Variants in DGKD observed in about 807,000 individuals in gnomAD.
DGKD encodes DAG kinase delta.
Under a neutral mutation model 154.4 loss-of-function variants are expected in DGKD, and 68 were observed. That is an observed-to-expected ratio of 0.44 (90% CI 0.36 to 0.54). DGKD has a LOEUF of 0.54. Ranked by LOEUF, DGKD falls within the 20% of genes least tolerant of loss-of-function variation. The pLI is 0.00. For missense variants in DGKD, 1,343 were observed against 1,593.6 expected, an observed-to-expected ratio of 0.84 and a Z score of 2.68; for synonymous variants, 693 against 638.0, an observed-to-expected ratio of 1.09 and a Z score of -1.30.
chr2:233,439,051 T>C (rs2062806712), intron 9 of DGKD, among the ~76,000 whole-genome samples: 1 of 152,226 alleles, frequency 6.6e-6, no homozygotes, highest in African/African-American at 2.4e-5. Flanking sequence ...GAGCCATGTG[T>C]GTTCTTTGTA....
intron 1 of DGKD, among the ~76,000 whole-genome samples, chr2:233,376,769 G>A (rs1702594844): frequency 6.6e-6 from 1 of 152,100 alleles, no homozygotes; most frequent in African/African-American, 2.4e-5. Context: ...GGGGAACGTT[G>A]TATGGATTAA....
rs2125534136 is a variant in DGKD, at chr2:233,417,497, G to A, written c.349-16883G>A. On this transcript the variant is annotated intron_variant, in intron 3 of 29. Coordinates refer to ENST00000264057, the MANE Select transcript of DGKD (RefSeq NM_152879.3). ...CTGCCCCAGCTTACCTATTCCCATG[G>A]GACTTCTTTTTACTTTTATTGTGCC... is the stretch of plus-strand genomic sequence containing the variant. 2.0e-5 allele frequency among the ~76,000 whole-genome samples: 3 copies of A among 152,112 alleles called. No homozygotes were observed. The Middle Eastern group carries it at 0.01, about 517-fold the overall frequency.
At chr2:233,407,801 A>C (rs1559511882) in intron 3 of DGKD, among the ~76,000 whole-genome samples, 2 of 152,052 alleles carry the variant, frequency 1.3e-5, no homozygotes, top group East Asian at 3.9e-4. Context: ...TGTGGCATTC[A>C]TATTTGTTGG....
intron 1 of DGKD, among the ~76,000 whole-genome samples, chr2:233,361,567 C>T (rs1250366394): frequency 6.6e-6 from 1 of 152,206 alleles, no homozygotes; most frequent in Non-Finnish European, 1.5e-5. Context: ...GACTTTATAA[C>T]AACTGTGCTC....
At chr2:233,358,207 T>A (rs907392271) in intron 1 of DGKD, among the ~76,000 whole-genome samples, 1 of 152,226 alleles carries the variant, frequency 6.6e-6, no homozygotes, top group Admixed American at 6.5e-5. Flanking sequence ...GACCAGCACA[T>A]TCACCAGCAC....
chr2:233,458,553 G>A lies in DGKD; in HGVS notation c.2694+156G>A, dbSNP rs1363455636. Among the ~76,000 whole-genome samples, 1 of 152,150 alleles carries A rather than the reference G, an allele frequency of 6.6e-6. No individual in the cohort carries two copies. The highest frequency in any genetic ancestry group is 1.5e-5 in the Non-Finnish European group (1 of 68,020). On this transcript the variant is annotated intron_variant, in intron 22 of 29. Coordinates refer to ENST00000264057, the MANE Select transcript of DGKD (RefSeq NM_152879.3). This position sits in a 1 kb window ranked among gnomAD's most constrained non-coding sequence, Gnocchi z 6.6. Reference sequence around the variant, plus strand: ...GACAGCTCGTGGCCCCACTTCCTGGGCCAGAGCCCTTTCCTTGTGCTATGC... The same window carrying A: ...GACAGCTCGTGGCCCCACTTCCTGGACCAGAGCCCTTTCCTTGTGCTATGC...
intron 1 of DGKD, among the ~76,000 whole-genome samples, chr2:233,368,437 A>G (rs1210669123): frequency 2.6e-5 from 4 of 152,116 alleles, no homozygotes; most frequent in Non-Finnish European, 5.9e-5. Context: ...GCATGAACCC[A>G]GGAGGAGGAG....
Position 233,435,941 on chromosome 2 carries a change from C to A in DGKD, c.693+17C>A. On this transcript the variant is annotated intron_variant, in intron 6 of 29. Transcript: ENST00000264057. ...GCAGATGGGGTATGTTAAGAAATAC[C>A]ACCTGTGGGGCCCTGAGCCAGGGTC... The A allele has an allele frequency of 6.3e-7, 1 of 1,592,504 alleles. No individual in the cohort carries two copies. The highest frequency in any genetic ancestry group is 8.6e-7 in the Non-Finnish European group (1 of 1,167,928).
chr2:233,431,348 A>T lies in DGKD; in HGVS notation c.349-3032A>T, dbSNP rs1053944610. Among the ~76,000 whole-genome samples, 7 of 152,220 alleles carry T rather than the reference A, an allele frequency of 4.6e-5. No individual in the cohort carries two copies. In the East Asian group the frequency reaches 1.3e-3, roughly 29 times the overall value. On this transcript the variant is annotated intron_variant, in intron 3 of 29. Transcript: ENST00000264057. ...GAGAACACACAAAAAATGGAAAGAT[A>T]CTCCACGTTCATGGACTGGAAGAAT...
chr2:233,448,082 T>G lies in DGKD; in HGVS notation c.1420-5T>G, dbSNP rs1265168375. On this transcript the variant is annotated splice_polypyrimidine_tract_variant and splice_region_variant and intron_variant, in intron 12 of 29. Transcript: ENST00000264057. ...AACAGTCCTGGCCATTTGGGGTGAT[T>G]GCAGGTACAGCAGATTCTCTTCTAT... The G allele has an allele frequency of 2.5e-6, 4 of 1,613,902 alleles. No individual in the cohort carries two copies. Among genetic ancestry groups the G allele is most frequent in the African/African-American group, 1.3e-5 (1 of 74,902 alleles).
In DGKD at chr2:233,438,372, C is replaced by T; in HGVS notation, c.1078C>T (p.His360Tyr). 6.2e-7 allele frequency: 1 copy of T among 1,611,456 alleles called. No homozygotes were observed. The highest frequency in any genetic ancestry group is 8.5e-7 in the Non-Finnish European group (1 of 1,178,038). ...CTTCGACCTCATGAACGGAGGCCCA[C>T]ACCTCGGGTAGGAAGCTTGTAAAAT... is the stretch of plus-strand genomic sequence containing the variant. ...QVFDLMNGGPHLGLRLFQKFD... is the reference protein window; with the variant it reads ...QVFDLMNGGPYLGLRLFQKFD... The change falls in exon 9 of 30, where the codon CAC becomes TAC. Residue 360 changes from histidine to tyrosine, a missense_variant. By Grantham distance (83) the His-to-Tyr change is moderately conservative. Transcript: ENST00000264057. The surrounding 1 kb of genome is among the most constrained non-coding windows in gnomAD (Gnocchi z 4.1).
intron 3 of DGKD, among the ~76,000 whole-genome samples, chr2:233,398,965 A>G (rs1400143754): frequency 6.6e-6 from 1 of 152,180 alleles, no homozygotes; most frequent in African/African-American, 2.4e-5. Context: ...GGAACACTAC[A>G]AGACTGTAGG....
At chr2:233,400,857 C>T (rs2061542131) in intron 3 of DGKD, among the ~76,000 whole-genome samples, 1 of 152,076 alleles carries the variant, frequency 6.6e-6, no homozygotes, top group Non-Finnish European at 1.5e-5. Flanking sequence ...GTGTGTGTGG[C>T]CTCCTGATGC....
Position 233,448,257 on chromosome 2 carries a change from T to C in DGKD, c.1515-19T>C, listed in dbSNP as rs1418998385. The C allele has an allele frequency of 6.2e-7, 1 of 1,614,056 alleles. No individual in the cohort carries two copies. The highest frequency in any genetic ancestry group is 8.5e-7 in the Non-Finnish European group (1 of 1,179,990). On this transcript the variant is annotated intron_variant, in intron 13 of 29. Coordinates refer to ENST00000264057, the MANE Select transcript of DGKD (RefSeq NM_152879.3). ...GGAGCTGCCTCTCTAGAAGGGTCTT[T>C]CTGTTTTTCTCCCCACAGAGTGCTC...
intron 24 of DGKD, 144 bp downstream of exon 24, chr2:233,460,489 T>C (rs937226143): frequency 1.4e-5 from 15 of 1,089,492 alleles, no homozygotes; most frequent in Non-Finnish European, 1.8e-5. Context: ...CCTGTTTATG[T>C]GCCCTCAGCT....
At chr2:233,368,844 T>C (rs1702170404) in intron 1 of DGKD, among the ~76,000 whole-genome samples, 1 of 152,250 alleles carries the variant, frequency 6.6e-6, no homozygotes. Flanking sequence ...GCTTGCTTGC[T>C]ATGTTGCGAT....
rs1359325001 is a variant in DGKD, at chr2:233,459,335, A to G, written c.2695-422A>G. On this transcript the variant is annotated intron_variant, in intron 22 of 29. Transcript: ENST00000264057. The surrounding 1 kb of genome is among the most constrained non-coding windows in gnomAD (Gnocchi z 5.7). ...AGTTCACAATTTTCACTCTTTGGCA[A>G]TGTTTGTTGTTGAAAAGGAGGAACG... 1.3e-5 allele frequency among the ~76,000 whole-genome samples: 2 copies of G among 152,064 alleles called. No homozygotes were observed. The highest frequency in any genetic ancestry group is 4.8e-5 in the African/African-American group (2 of 41,380).
At chr2:233,390,050 A>G (rs1485610971) in intron 2 of DGKD, among the ~76,000 whole-genome samples, 2 of 152,258 alleles carry the variant, frequency 1.3e-5, no homozygotes, top group Admixed American at 6.5e-5. Flanking sequence ...GTGTGAGAAC[A>G]TACTTCACAT....
chr2:233,453,615 C>T (rs1215964288), intron 18 of DGKD, among the ~76,000 whole-genome samples: 1 of 152,268 alleles, frequency 6.6e-6, no homozygotes, highest in African/African-American at 2.4e-5. Flanking sequence ...CAAGCCCATC[C>T]ACCCATTGAG....
Sources: gnomAD v4.1 joint callset for allele counts (sites outside exome capture counted in the v4.1 genomes callset) on GRCh38, gnomAD v4.1.1 for gene constraint, Gnocchi (gnomAD v3.1) non-coding constraint, MANE v1.5 for transcripts, NCBI Gene and HGNC (gene_info 2026-07-23, HGNC 2026-07-21) for gene names.